The following NIPAL3 variants were observed in gnomAD, a reference collection of about 807,000 sequenced individuals.
The protein encoded by NIPAL3 is NIPA like domain containing 3, also known as NIPA-like protein 3.
Under a neutral mutation model 47.2 loss-of-function variants are expected in NIPAL3, and 41 were observed. The ratio of observed to expected loss-of-function variants is 0.87; its 90% CI spans 0.68 to 1.13. NIPAL3 has a LOEUF of 1.13. Among genes scored for constraint, NIPAL3 ranks in the 50% most tolerant of loss-of-function variants. The pLI, the probability that NIPAL3 is intolerant of heterozygous loss-of-function variation, is 0.00. For synonymous variants in NIPAL3, 194 were observed against 209.6 expected (o/e 0.93, Z 0.64); for missense variants, 449 against 530.1 (o/e 0.85, Z 1.50).
intron 11 of NIPAL3, among the ~76,000 whole-genome samples, chr1:24,468,670 C>G (rs1270463150): frequency 2.6e-5 from 4 of 152,184 alleles, no homozygotes; most frequent in Non-Finnish European, 2.9e-5. Flanking sequence ...ACGTTCAAAG[C>G]ACAGTGCTAG....
chr1:24,462,993 A>G (rs1274145129), intron 10 of NIPAL3, among the ~76,000 whole-genome samples: 1 of 149,362 alleles, frequency 6.7e-6, no homozygotes, highest in African/African-American at 2.6e-5. Context: ...TAAAATACAA[A>G]ATACTAAAAA....
Position 24,454,645 on chromosome 1 carries a change from C to A in NIPAL3, c.637+1141C>A. ...TTTAGTATTTCATAGAGTTGTGAAA[C>A]CATCATCCTAATCTAATTTTAGAAC... On this transcript the variant is annotated intron_variant, in intron 7 of 11. Coordinates refer to ENST00000374399, the MANE Select transcript of NIPAL3 (RefSeq NM_020448.5). This position sits in a 1 kb window ranked among gnomAD's most constrained non-coding sequence, Gnocchi z 4.1. 1 of 717,752 alleles carries A rather than the reference C, an allele frequency of 1.4e-6. No individual in the cohort carries two copies. The highest frequency in any genetic ancestry group is 1.7e-6 in the Non-Finnish European group (1 of 585,906). 44.5% of individuals were successfully genotyped at this position (717,752 alleles called of 1,614,324 possible).
chr1:24,463,129 A>C (rs1019329671), intron 10 of NIPAL3, among the ~76,000 whole-genome samples: 1 of 152,140 alleles, frequency 6.6e-6, no homozygotes, highest in Non-Finnish European at 1.5e-5. Flanking sequence ...TGGAGGTTGC[A>C]GTGAGCCGAG....
intron 3 of NIPAL3, 102 bp downstream of exon 3, chr1:24,440,342 A>G (rs1645319478): frequency 1.2e-6 from 1 of 847,888 alleles, no homozygotes; most frequent in Non-Finnish European, 1.7e-6. Flanking sequence ...GGCCTTGCCT[A>G]CTGCATCCCT....
intron 1 of NIPAL3, among the ~76,000 whole-genome samples, chr1:24,418,193 A>AT (rs1178592574): frequency 7.2e-5 from 11 of 152,192 alleles, no homozygotes; most frequent in African/African-American, 2.7e-4. Context: ...AATTTAAAAC[A>AT]TTTTTCTATT....
Position 24,419,509 on chromosome 1 carries a change from T to A in NIPAL3, c.-39T>A. 4 of 1,571,602 alleles carry A rather than the reference T, an allele frequency of 2.5e-6. No individual in the cohort carries two copies. Among genetic ancestry groups the A allele is most frequent in the Non-Finnish European group, 2.6e-6 (3 of 1,157,740 alleles). On this transcript the variant is annotated 5_prime_UTR_variant, in exon 2 of 12. Coordinates refer to ENST00000374399, the MANE Select transcript of NIPAL3 (RefSeq NM_020448.5). Reference sequence around the variant, plus strand: ...GGCCCCGCCTAGCAGCAGCTCCACCTCCTAGGCCAGGCCCTGTGGGATGCG... The same window carrying A: ...GGCCCCGCCTAGCAGCAGCTCCACCACCTAGGCCAGGCCCTGTGGGATGCG...
rs56978150 is a variant in NIPAL3, at chr1:24,454,031, C to CTT, written c.637+541_637+542dup. ...GGCTAGAACTGCATATTAATTTTTC[C>CTT]TTTTTTTTTTTTTTTGAGACAGTCT... On this transcript the variant is annotated intron_variant, in intron 7 of 11. Transcript: ENST00000374399. This position sits in a 1 kb window ranked among gnomAD's most constrained non-coding sequence, Gnocchi z 4.1. 7,609 of 439,260 alleles carry CTT rather than the reference C, an allele frequency of 0.017. 145 individuals are homozygous for CTT. Among genetic ancestry groups the CTT allele is most frequent in the African/African-American group, 0.08 (3,562 of 44,272 alleles). 27.2% of individuals were successfully genotyped at this position (439,260 alleles called of 1,614,324 possible).
At chr1:24,442,929 A>C (rs1267615863) in intron 4 of NIPAL3, among the ~76,000 whole-genome samples, 2 of 152,194 alleles carry the variant, frequency 1.3e-5, no homozygotes, top group African/African-American at 4.8e-5. Flanking sequence ...TTGATTACAC[A>C]ATTGCACTCC....
In NIPAL3 at chr1:24,419,311, A is replaced by T; in HGVS notation, c.-237A>T. On this transcript the variant is annotated 5_prime_UTR_variant, in exon 2 of 12. Coordinates refer to ENST00000374399, the MANE Select transcript of NIPAL3 (RefSeq NM_020448.5). Reference sequence around the variant, plus strand: ...CCTAGAGCACCGCAAGAACTGGAAAACACACCCCTCTCTGTCTGCCTGGGA... The same window carrying T: ...CCTAGAGCACCGCAAGAACTGGAAATCACACCCCTCTCTGTCTGCCTGGGA... The T allele has an allele frequency of 8.1e-7, 1 of 1,238,900 alleles. No homozygotes were observed. Among genetic ancestry groups the T allele is most frequent in the Non-Finnish European group, 1.0e-6 (1 of 990,472 alleles). 76.7% of individuals were successfully genotyped at this position (1,238,900 alleles called of 1,614,324 possible).
Position 24,419,418 on chromosome 1 carries a change from T to C in NIPAL3, c.-130T>C. 1 of 1,379,190 alleles carries C rather than the reference T, an allele frequency of 7.3e-7. No homozygotes were observed. Among genetic ancestry groups the C allele is most frequent in the Non-Finnish European group, 9.4e-7 (1 of 1,065,230 alleles). The allele number at this position is 1,379,190 out of a possible 1,614,324, so 85.4% of individuals were successfully genotyped here. ...CCAAAACAGCCTTGAAGTATTCTTT[T>C]GTCATGAGGAAGTGACGGCTGCTGG... is the stretch of plus-strand genomic sequence containing the variant. On this transcript the variant is annotated 5_prime_UTR_variant, in exon 2 of 12. Transcript: ENST00000374399.
At chr1:24,446,961 T>C (rs950819521) in intron 5 of NIPAL3, among the ~76,000 whole-genome samples, 90 of 152,246 alleles carry the variant, frequency 5.9e-4, no homozygotes, top group African/African-American at 2.1e-3. Context: ...GTTTTCCACA[T>C]ACCAGGAGCC....
At chr1:24,430,615 A>G (rs542905597) in intron 2 of NIPAL3, among the ~76,000 whole-genome samples, 2 of 152,334 alleles carry the variant, frequency 1.3e-5, no homozygotes, top group East Asian at 1.9e-4. Context: ...ATGATAAACT[A>G]TTTTCATCAG....
At chr1:24,423,710 G>A (rs1421065348) in intron 2 of NIPAL3, among the ~76,000 whole-genome samples, 1 of 152,210 alleles carries the variant, frequency 6.6e-6, no homozygotes, top group East Asian at 1.9e-4. Flanking sequence ...GAAGCAGAGG[G>A]CATGTGGGGA....
At chr1:24,418,083 G>A (rs1644141175) in intron 1 of NIPAL3, among the ~76,000 whole-genome samples, 1 of 152,224 alleles carries the variant, frequency 6.6e-6, no homozygotes, top group African/African-American at 2.4e-5. Context: ...GCCATGTGGA[G>A]TGGGAACATT....
intron 11 of NIPAL3, chr1:24,466,049 A>G (rs954510906): frequency 2.5e-6 from 4 of 1,612,246 alleles, no homozygotes; most frequent in Non-Finnish European, 2.5e-6. Context: ...AGGTATTCAA[A>G]TTCCAGAAAT....
chr1:24,440,210 C>T lies in NIPAL3; in HGVS notation c.132C>T (p.His44=), dbSNP rs199785606. The T allele has an allele frequency of 4.4e-6, 7 of 1,597,494 alleles. No individual in the cohort carries two copies. Among genetic ancestry groups the T allele is most frequent in the Non-Finnish European group, 5.1e-6 (6 of 1,172,360 alleles). ...LIGALLAIFG[H]LVVSIALNLQ... The stretch of plus-strand genomic sequence containing the variant: ...GCGCCCTCTTGGCGATCTTCGGGCA[C>T]CTCGTGGTCAGCATTGCACTTAACC... Residue 44 remains histidine (H), a synonymous_variant, in exon 3 of 12, where the codon CAC becomes CAT. Transcript: ENST00000374399.
intron 2 of NIPAL3, among the ~76,000 whole-genome samples, chr1:24,431,434 A>G (rs1644873805): frequency 6.6e-6 from 1 of 152,174 alleles, no homozygotes; most frequent in African/African-American, 2.4e-5. Context: ...GTCCCCTAAG[A>G]CTGTCAGTAT....
At chr1:24,430,177 C>G (rs1191974340) in intron 2 of NIPAL3, among the ~76,000 whole-genome samples, 1 of 151,874 alleles carries the variant, frequency 6.6e-6, no homozygotes, top group Admixed American at 6.6e-5. Flanking sequence ...GAACTTTATT[C>G]ACATTAGTAT....
In NIPAL3 at chr1:24,456,274, G is replaced by C; in HGVS notation, c.773+1G>C. On this transcript the variant is annotated splice_donor_variant, in intron 8 of 11. Transcript: ENST00000374399. LOFTEE classifies it high-confidence loss of function. ...TGGCAACCGCCGTCTATCAGGCTGCGTGAGTTACAAATCCTTTTCCTGCTG... is the reference window on the plus strand; with the variant it reads ...TGGCAACCGCCGTCTATCAGGCTGCCTGAGTTACAAATCCTTTTCCTGCTG... The C allele has an allele frequency of 6.2e-7, 1 of 1,614,200 alleles. No individual in the cohort carries two copies. Among genetic ancestry groups the C allele is most frequent in the Non-Finnish European group, 8.5e-7 (1 of 1,180,032 alleles).
Sources: allele counts gnomAD v4.1 joint callset (sites outside exome capture counted in the v4.1 genomes callset), GRCh38; gene constraint gnomAD v4.1.1; non-coding constraint Gnocchi (gnomAD v3.1); transcripts MANE v1.5; gene names NCBI Gene and HGNC (gene_info 2026-07-23, HGNC 2026-07-21).